The following ASCC3 variants were observed in gnomAD, a reference collection of about 807,000 sequenced individuals.
The protein encoded by ASCC3 is activating signal cointegrator 1 complex subunit 3.
A neutral mutation model predicts 256.3 loss-of-function variants in ASCC3; 158 were observed. That is an observed-to-expected ratio of 0.62 (90% CI 0.54 to 0.70). ASCC3 has a LOEUF of 0.70. Ranked by LOEUF, ASCC3 falls within the 30% of genes least tolerant of loss-of-function variation. The pLI, the probability that ASCC3 is intolerant of heterozygous loss-of-function variation, is 0.00. For missense variants in ASCC3, 2,259 were observed against 2,626.0 expected (o/e 0.86, Z 3.05); for synonymous variants, 948 against 883.4 (o/e 1.07, Z -1.30).
chr6:100,715,203 C>T, intron 13 of ASCC3: 1 of 305,500 alleles, frequency 3.3e-6, no homozygotes, highest in African/African-American at 2.2e-5. Flanking sequence ...TTCATGAAAA[C>T]AGTAAGAATA....
intron 10 of ASCC3, among the ~76,000 whole-genome samples, chr6:100,732,715 C>T (rs970342814): frequency 1.3e-5 from 2 of 152,020 alleles, no homozygotes; most frequent in East Asian, 1.9e-4. Flanking sequence ...TATAGCAAAA[C>T]AGAGGAGAAA....
At chr6:100,576,789 G>C (rs1157571239) in intron 36 of ASCC3, among the ~76,000 whole-genome samples, 1 of 151,738 alleles carries the variant, frequency 6.6e-6, no homozygotes, top group African/African-American at 2.4e-5. Flanking sequence ...TTTCCACCCA[G>C]ACTAGAGTAT....
intron 8 of ASCC3, among the ~76,000 whole-genome samples, chr6:100,767,858 C>T (rs543687581): frequency 2.4e-4 from 37 of 151,986 alleles, no homozygotes; most frequent in East Asian, 1.6e-3. Flanking sequence ...CCTCGTGATC[C>T]GCCCACCTAG....
intron 12 of ASCC3, among the ~76,000 whole-genome samples, 178 bp from the exon 13 acceptor site, chr6:100,715,711 C>T (rs1297388151): frequency 1.3e-5 from 2 of 151,364 alleles, no homozygotes; most frequent in African/African-American, 2.4e-5. Context: ...ATATGCAACG[C>T]AACTTAAAAG....
intron 11 of ASCC3, among the ~76,000 whole-genome samples, chr6:100,723,460 G>A (rs1393676808): frequency 6.6e-6 from 1 of 151,412 alleles, no homozygotes; most frequent in Admixed American, 6.6e-5. Flanking sequence ...TGAGAGCTTT[G>A]TTTGAAACAA....
At chr6:100,718,292 A>T in intron 11 of ASCC3, 41 bp from the exon 12 acceptor site, 1 of 1,489,850 alleles carries the variant, frequency 6.7e-7, no homozygotes, top group Non-Finnish European at 9.1e-7. Context: ...TATTTAAATT[A>T]ATTTAACCAA....
chr6:100,569,856 T>G (rs565953737), intron 36 of ASCC3, among the ~76,000 whole-genome samples: 1 of 152,314 alleles, frequency 6.6e-6, no homozygotes, highest in South Asian at 2.1e-4. Context: ...GCATTAAATC[T>G]GTAGATTGCT....
rs1397491898 is a variant in ASCC3 at position 100,738,134 on chromosome 6, A to G, written c.1738-12431T>C. 3.3e-5 allele frequency among the ~76,000 whole-genome samples: 5 copies of G among 152,270 alleles called. No homozygotes were observed. In the East Asian group the frequency reaches 9.7e-4, roughly 29 times the overall value. On this transcript the variant is annotated intron_variant, in intron 10 of 41. Transcript: ENST00000369162. ...TGAATATAAGACCTTTGTCAGATGGATAGATTGAGAAAGTTTTATCCCATT... is the reference window on the plus strand; with the variant it reads ...TGAATATAAGACCTTTGTCAGATGGGTAGATTGAGAAAGTTTTATCCCATT...
intron 4 of ASCC3, among the ~76,000 whole-genome samples, chr6:100,823,548 A>G (rs1214261405): frequency 6.6e-6 from 1 of 152,202 alleles, no homozygotes; most frequent in East Asian, 1.9e-4. Flanking sequence ...TTCCTGGTAG[A>G]AATTTTTAAA....
At chr6:100,598,374 A>G (rs993732194) in intron 34 of ASCC3, among the ~76,000 whole-genome samples, 1 of 152,202 alleles carries the variant, frequency 6.6e-6, no homozygotes, top group Admixed American at 6.5e-5. Flanking sequence ...ATTTATTTAC[A>G]TGGACTACAC....
At chr6:100,634,164 T>A (rs1774706100) in intron 25 of ASCC3, among the ~76,000 whole-genome samples, 1 of 152,220 alleles carries the variant, frequency 6.6e-6, no homozygotes, top group African/African-American at 2.4e-5. Flanking sequence ...TACATAGTGA[T>A]GTTTTGATAC....
chr6:100,878,195 G>C (rs1348138388), intron 1 of ASCC3, among the ~76,000 whole-genome samples: 2 of 152,178 alleles, frequency 1.3e-5, no homozygotes, highest in African/African-American at 4.8e-5. Flanking sequence ...GCAGAACAGA[G>C]AAAGCATGAC....
intron 39 of ASCC3, among the ~76,000 whole-genome samples, chr6:100,514,659 AACTGCTAAG>A (rs1397272439): frequency 1.3e-5 from 2 of 152,116 alleles, no homozygotes; most frequent in South Asian, 4.1e-4. Context: ...TTTTTAAAGA[AACTGCTAAG>A]ACATTTCAAT....
chr6:100,647,095 A>G, intron 21 of ASCC3, 131 bp downstream of exon 21: 1 of 943,108 alleles, frequency 1.1e-6, no homozygotes, highest in Non-Finnish European at 1.6e-6. Context: ...TAGATAAATG[A>G]AAAAGATTTA....
chr6:100,777,230 T>G (rs927171351), intron 8 of ASCC3, among the ~76,000 whole-genome samples: 6 of 152,094 alleles, frequency 3.9e-5, no homozygotes, highest in Non-Finnish European at 5.9e-5. Context: ...CTACTTTACA[T>G]GTGTGTGTAT....
chr6:100,738,684 G>A (rs1365812167), intron 10 of ASCC3, among the ~76,000 whole-genome samples: 1 of 152,176 alleles, frequency 6.6e-6, no homozygotes. Context: ...GCTTTGGACT[G>A]TCTTGGCTAT....
chr6:100,576,091 T>C (rs777358943), intron 36 of ASCC3, among the ~76,000 whole-genome samples: 2 of 152,040 alleles, frequency 1.3e-5, no homozygotes, highest in African/African-American at 2.4e-5. Flanking sequence ...AACTGCTAAA[T>C]GCTTCAATAA....
intron 8 of ASCC3, among the ~76,000 whole-genome samples, chr6:100,771,509 C>T (rs1052160747): frequency 2.6e-4 from 39 of 150,362 alleles, no homozygotes; most frequent in African/African-American, 9.5e-4. Context: ...CTTTGCAATA[C>T]ATATATCAGA....
intron 10 of ASCC3, among the ~76,000 whole-genome samples, chr6:100,750,146 T>G (rs78786655): frequency 0.015 from 2,212 of 151,998 alleles, 46 homozygotes; most frequent in African/African-American, 0.051. Context: ...AAGAACTACT[T>G]GAAACTAAAA....
Sources: gnomAD v4.1 joint callset for allele counts (sites outside exome capture counted in the v4.1 genomes callset) on GRCh38, gnomAD v4.1.1 for gene constraint, MANE v1.5 for transcripts, NCBI Gene and HGNC (gene_info 2026-07-23, HGNC 2026-07-21) for gene names.